KCNQ5: variants seen among roughly 807,000 people sequenced by gnomAD.
KCNQ5 encodes potassium voltage-gated channel subfamily Q member 5.
In KCNQ5, 30 loss-of-function variants were observed where a neutral mutation model predicts 98.2. The ratio of observed to expected loss-of-function variants is 0.31; its 90% confidence interval spans 0.23 to 0.41. The LOEUF (loss-of-function observed/expected upper bound fraction) is 0.41. KCNQ5 is among the 10% of genes least tolerant of loss of function. The pLI is 1.00. For synonymous variants in KCNQ5, 458 were observed against 449.4 expected, an observed-to-expected ratio of 1.02 and a Z score of -0.24; for missense variants, 835 against 1,182.5, an observed-to-expected ratio of 0.71 and a Z score of 4.31.
chr6:72,764,318 G>A (rs530550509), intron 1 of KCNQ5, among the ~76,000 whole-genome samples: 2 of 151,870 alleles, frequency 1.3e-5, no homozygotes, highest in Non-Finnish European at 2.9e-5. Context: ...TAACCCACTA[G>A]GTAGAAATTG....
intron 1 of KCNQ5, among the ~76,000 whole-genome samples, chr6:72,848,979 C>T (rs78389299): frequency 0.073 from 11,040 of 152,128 alleles, 808 homozygotes; most frequent in African/African-American, 0.19. Flanking sequence ...TCTTTATTAA[C>T]AGTATGAGAA....
rs544263368 is a variant in KCNQ5 at position 72,902,006 on chromosome 6, A to T, written c.399-101902A>T. ...ATGGAATATGTTTTCATTTGTGTGT[A>T]TCATCTATGATTTCTTTCAGCAGTA... is the stretch of plus-strand genomic sequence containing the variant. On this transcript the variant is annotated intron_variant, in intron 1 of 13. Transcript: ENST00000370398. Among the ~76,000 whole-genome samples, 35 of 152,248 alleles carry T rather than the reference A, an allele frequency of 2.3e-4. 1 individual carries two copies. The South Asian group carries it at 7.3e-3, about 32-fold the overall frequency.
chr6:72,712,142 A>C (rs983979067), intron 1 of KCNQ5, among the ~76,000 whole-genome samples: 2 of 152,236 alleles, frequency 1.3e-5, no homozygotes, highest in African/African-American at 4.8e-5. Flanking sequence ...TTTAGGAATG[A>C]ATGAATGAAT....
intron 5 of KCNQ5, among the ~76,000 whole-genome samples, chr6:73,089,357 G>A (rs1343811261): frequency 6.6e-6 from 1 of 151,992 alleles, no homozygotes; most frequent in Admixed American, 6.6e-5. Flanking sequence ...ATTTTCGTGG[G>A]GTTTTGTTTT....
intron 2 of KCNQ5, among the ~76,000 whole-genome samples, chr6:73,026,851 G>GA (rs78722429): frequency 0.074 from 11,027 of 148,480 alleles, 530 homozygotes; most frequent in East Asian, 0.21. Context: ...CAATTTTATA[G>GA]AAAAAAAAAA....
At chr6:72,696,610 A>G (rs1565085404) in intron 1 of KCNQ5, among the ~76,000 whole-genome samples, 1 of 152,184 alleles carries the variant, frequency 6.6e-6, no homozygotes, top group African/African-American at 2.4e-5. Context: ...TTAGTGGGCC[A>G]CAATCAAAGA....
chr6:72,776,718 A>G (rs1260932371), intron 1 of KCNQ5, among the ~76,000 whole-genome samples: 1 of 152,230 alleles, frequency 6.6e-6, no homozygotes, highest in Non-Finnish European at 1.5e-5. Flanking sequence ...GAGCATTTAC[A>G]GAGTATTTAT....
At chr6:72,913,569 A>G (rs1780025152) in intron 1 of KCNQ5, among the ~76,000 whole-genome samples, 1 of 152,212 alleles carries the variant, frequency 6.6e-6, no homozygotes, top group Non-Finnish European at 1.5e-5. Flanking sequence ...AAAAATACAA[A>G]TTCATTCCAA....
chr6:73,003,724 C>G (rs139888297), intron 1 of KCNQ5, among the ~76,000 whole-genome samples, 184 bp from the exon 2 acceptor site: 85 of 152,202 alleles, frequency 5.6e-4, no homozygotes, highest in African/African-American at 2.0e-3. Flanking sequence ...TGCAGAGGAG[C>G]CCCATTTGCA....
At chr6:73,119,780 TGCTCATGCTCAAGTC>T (rs57080766) in intron 7 of KCNQ5, among the ~76,000 whole-genome samples, 10,669 of 152,260 alleles carry the variant, frequency 0.07, 1,159 homozygotes, top group African/African-American at 0.24. Context: ...CTAGAATGTA[TGCTCATGCTCAAGTC>T]GCTCACCTAA....
chr6:72,906,403 G>T (rs1374923944), intron 1 of KCNQ5, among the ~76,000 whole-genome samples: 3 of 152,210 alleles, frequency 2.0e-5, no homozygotes, highest in African/African-American at 7.2e-5. Context: ...CCTCCCCTGA[G>T]TTCTGATCAG....
intron 1 of KCNQ5, among the ~76,000 whole-genome samples, chr6:72,880,696 A>G (rs963005988): frequency 4.6e-5 from 7 of 152,092 alleles, no homozygotes; most frequent in Admixed American, 2.6e-4. Flanking sequence ...CTACTTTGCT[A>G]TTGTGGCTGC....
intron 1 of KCNQ5, among the ~76,000 whole-genome samples, chr6:72,922,300 A>G (rs1780432800): frequency 6.6e-6 from 1 of 152,176 alleles, no homozygotes; most frequent in South Asian, 2.1e-4. Flanking sequence ...TTTTCAATTG[A>G]GAAATAATAT....
chr6:73,028,680 T>C (rs2150345956), intron 2 of KCNQ5, among the ~76,000 whole-genome samples: 1 of 152,352 alleles, frequency 6.6e-6, no homozygotes, highest in South Asian at 2.1e-4. Flanking sequence ...GACTCTTAGT[T>C]CTGAATAGAC....
At chr6:72,684,434 T>C (rs1355971958) in intron 1 of KCNQ5, among the ~76,000 whole-genome samples, 1 of 152,214 alleles carries the variant, frequency 6.6e-6, no homozygotes, top group Non-Finnish European at 1.5e-5. Context: ...GAAATCTCCA[T>C]CCACAGAGGC....
chr6:72,729,344 G>C (rs1490450993), intron 1 of KCNQ5, among the ~76,000 whole-genome samples: 1 of 152,212 alleles, frequency 6.6e-6, no homozygotes, highest in East Asian at 1.9e-4. Context: ...CTGGAGTGCA[G>C]TGGCACAATC....
intron 11 of KCNQ5, among the ~76,000 whole-genome samples, chr6:73,170,431 C>G (rs113855415): frequency 2.5e-5 from 2 of 80,242 alleles, no homozygotes; most frequent in Non-Finnish European, 3.9e-5. Context: ...CACACACACA[C>G]ACACACACAC....
intron 6 of KCNQ5, among the ~76,000 whole-genome samples, chr6:73,107,270 T>C (rs1305008424): frequency 2.0e-5 from 3 of 152,234 alleles, no homozygotes; most frequent in Admixed American, 6.5e-5. Flanking sequence ...TCTGTCCTCA[T>C]AGGAGAGCCA....
chr6:73,189,671 T>C (rs1344214082), intron 11 of KCNQ5, among the ~76,000 whole-genome samples: 1 of 152,226 alleles, frequency 6.6e-6, no homozygotes, highest in African/African-American at 2.4e-5. Flanking sequence ...CACAAACTAA[T>C]TCAAATGTTA....
Sources: allele counts gnomAD v4.1 joint callset (sites outside exome capture counted in the v4.1 genomes callset), GRCh38; gene constraint gnomAD v4.1.1; transcripts MANE v1.5; gene names NCBI Gene and HGNC (gene_info 2026-07-23, HGNC 2026-07-21).